HDGFL2: variants seen among roughly 807,000 people sequenced by gnomAD.
HDGFL2 encodes HDGF like 2.
HDGFL2 carries 36 observed loss-of-function variants against 77.1 expected under a neutral mutation model. That is an observed-to-expected ratio of 0.47 (90% CI 0.36 to 0.62). HDGFL2 has a LOEUF of 0.62. Ranked by LOEUF, HDGFL2 falls within the 20% of genes least tolerant of loss-of-function variation. HDGFL2 has a pLI of 0.00. For missense variants in HDGFL2, 976 were observed against 973.4 expected (o/e 1.00, Z -0.04); for synonymous variants, 463 against 413.1 (o/e 1.12, Z -1.46).
At chr19:4,501,360 C>T (rs370630714) in intron 15 of HDGFL2, 43 bp downstream of exon 15, 38 of 1,544,220 alleles carry the variant, frequency 2.5e-5, no homozygotes, top group Admixed American at 9.1e-5. Context: ...TGAGCGGCAG[C>T]GGTGTGACGC....
chr19:4,501,518 C>T, intron 15 of HDGFL2: 1 of 577,382 alleles, frequency 1.7e-6, no homozygotes, highest in Non-Finnish European at 2.8e-6. Flanking sequence ...AGAGGCAGCT[C>T]CAGGGCTTTG....
intron 1 of HDGFL2, among the ~76,000 whole-genome samples, chr19:4,473,805 C>T (rs7260358): frequency 0.066 from 9,985 of 151,794 alleles, 1,102 homozygotes; most frequent in African/African-American, 0.23. Flanking sequence ...GATTGGTCCC[C>T]TGTGGGGAGG....
chr19:4,499,402 G>A, intron 13 of HDGFL2, 89 bp from the exon 14 acceptor site: 1 of 1,181,962 alleles, frequency 8.5e-7, no homozygotes, highest in African/African-American at 1.5e-5. Flanking sequence ...AGGGGCTGCG[G>A]GAGGGGCGCA....
At chr19:4,473,024 G>C (rs1974985064) in intron 1 of HDGFL2, among the ~76,000 whole-genome samples, 1 of 151,454 alleles carries the variant, frequency 6.6e-6, no homozygotes, top group African/African-American at 2.4e-5. Flanking sequence ...GGAGTCTGGG[G>C]GTATCCTGGG....
In HDGFL2 at chr19:4,501,986, G is replaced by GGAGGCCCTGGACGAGGAGAGCTGAGCC; in HGVS notation, c.1994_*4dup. On this transcript the variant is annotated stop_gained and inframe_insertion, in exon 16 of 16. Coordinates refer to ENST00000616600, the MANE Select transcript of HDGFL2 (RefSeq NM_001001520.3). LOFTEE classifies it high-confidence loss of function. ...AGCGCGAGAGGGCACGGGGGGACTC[G>GGAGGCCCTGGACGAGGAGAGCTGAGCC]GAGGCCCTGGACGAGGAGAGCTGAG... 1 of 1,514,020 alleles carries GGAGGCCCTGGACGAGGAGAGCTGAGCC rather than the reference G, an allele frequency of 6.6e-7. No individual in the cohort carries two copies. The highest frequency in any genetic ancestry group is 1.3e-5 in the South Asian group (1 of 79,582). The allele number at this position is 1,514,020 out of a possible 1,614,324, so 93.8% of individuals were successfully genotyped here.
At chr19:4,472,547 TG>T in intron 1 of HDGFL2, 125 bp downstream of exon 1, 1 of 164,684 alleles carries the variant, frequency 6.1e-6, no homozygotes, top group Non-Finnish European at 9.6e-6. Context: ...CCCGGGGGTC[TG>T]GGGTTCATGG....
intron 3 of HDGFL2, among the ~76,000 whole-genome samples, chr19:4,477,875 T>G (rs1224286788): frequency 6.0e-5 from 9 of 151,198 alleles, no homozygotes; most frequent in Admixed American, 5.9e-4. Context: ...AAGTCAGGAG[T>G]TCAAGACCAG....
In HDGFL2 at chr19:4,488,658, C is replaced by CT; in HGVS notation, c.289-17dup. On this transcript the variant is annotated splice_polypyrimidine_tract_variant and intron_variant, in intron 3 of 15. Coordinates refer to ENST00000616600, the MANE Select transcript of HDGFL2 (RefSeq NM_001001520.3). ...CACGACTGGTGGTGACGCGCGTTCT[C>CT]TGCCCCGACTCCCACAGCCAGTGAG... 6.5e-7 allele frequency: 1 copy of CT among 1,536,630 alleles called. No individual in the cohort carries two copies. The highest frequency in any genetic ancestry group is 8.7e-7 in the Non-Finnish European group (1 of 1,145,642).
At chr19:4,496,878 T>A (rs1331736268) in intron 10 of HDGFL2, 2 of 406,404 alleles carry the variant, frequency 4.9e-6, no homozygotes, top group South Asian at 3.7e-5. Context: ...ACTTTTTTTT[T>A]TTTTTTTGAG....
At chr19:4,486,360 A>G (rs1216887203) in intron 3 of HDGFL2, 2 of 151,966 alleles carry the variant, frequency 1.3e-5, no homozygotes, top group Non-Finnish European at 2.9e-5. Flanking sequence ...CAGGTGTGTC[A>G]TGATGTTTGT....
chr19:4,485,895 A>G (rs920698083), intron 3 of HDGFL2, among the ~76,000 whole-genome samples: 1 of 146,666 alleles, frequency 6.8e-6, no homozygotes, highest in Admixed American at 6.8e-5. Flanking sequence ...AAAAAAAAAT[A>G]CAAAAACGTT....
In HDGFL2 at chr19:4,494,407, C is replaced by T. The variant is rs1200423780; in HGVS notation, c.1156C>T (p.Arg386Cys). 11 of 1,401,694 alleles carry T rather than the reference C, an allele frequency of 7.8e-6. No homozygotes were observed. The highest frequency in any genetic ancestry group is 4.9e-5 in the South Asian group (3 of 61,642). 86.8% of individuals were successfully genotyped at this position (1,401,694 alleles called of 1,614,324 possible). A position where few individuals can be genotyped will look rare whatever the true frequency, so the allele number is the denominator to read the frequency against. ...CGATGAGCCCGTCAAGAAGCGGGGA[C>T]GCAAGGGCCGGGGCCGGGGTCCCCC... ...EDDEPVKKRG[R>C]KGRGRGPPSS... Residue 386 changes from arginine (R) to cysteine (C), a missense_variant, in exon 9 of 16, where the codon CGC becomes TGC. By Grantham distance (180) the Arg-to-Cys change is radical. This residue lies in a region of HDGFL2 where 567 missense variants were observed against 534.7 expected (regional missense o/e 1.06). Transcript: ENST00000616600.
chr19:4,480,072 T>C (rs1455048603), intron 3 of HDGFL2, among the ~76,000 whole-genome samples: 1 of 152,092 alleles, frequency 6.6e-6, no homozygotes, highest in East Asian at 1.9e-4. Flanking sequence ...GTCCTGGGCA[T>C]TGCAGGGTGT....
intron 9 of HDGFL2, among the ~76,000 whole-genome samples, chr19:4,496,020 T>A (rs1391602432): frequency 2.0e-5 from 3 of 152,070 alleles, no homozygotes; most frequent in Non-Finnish European, 4.4e-5. Flanking sequence ...GGCACCGAAC[T>A]CCTGGTGCAG....
rs769660659 is a variant in HDGFL2 at position 4,493,117 on chromosome 19, CTGTG to C, written c.679-581_679-578del. Among the ~76,000 whole-genome samples, 43 of 76,578 alleles carry C rather than the reference CTGTG, an allele frequency of 5.6e-4. No individual in the cohort carries two copies. In the Middle Eastern group the frequency reaches 0.05, roughly 89 times the overall value. 50.2% of individuals were successfully genotyped at this position (76,578 alleles called of 152,430 possible). A position where few individuals can be genotyped will look rare whatever the true frequency, so the allele number is the denominator to read the frequency against. ...GTGTGGTGTGTGGTGTGTGTGTTGT[CTGTG>C]TGTGGTGTGTGTGTTATCTGTGTCT... On this transcript the variant is annotated intron_variant, in intron 6 of 15. Coordinates refer to ENST00000616600, the MANE Select transcript of HDGFL2 (RefSeq NM_001001520.3).
At chr19:4,499,319 C>T (rs1358466117) in intron 13 of HDGFL2, among the ~76,000 whole-genome samples, 172 bp from the exon 14 acceptor site, 1 of 150,172 alleles carries the variant, frequency 6.7e-6, no homozygotes, top group Non-Finnish European at 1.5e-5. Context: ...GCACTCTAGC[C>T]TGGGTGACAG....
rs1975701421 is a variant in HDGFL2, at chr19:4,496,349, C to T, written c.1272C>T (p.Ala424=). ...CGCAGTCCTCAAGCACAGAGCCCGC[C>T]AGGAAACCTGGCCAGAAGGAGAAGA... ...KKPQSSSTEP[A]RKPGQKEKRV... The change falls in exon 10 of 16, where the codon GCC becomes GCT. Residue 424 remains alanine (A), a synonymous_variant. Transcript: ENST00000616600. 6.2e-7 allele frequency: 1 copy of T among 1,614,122 alleles called. No homozygotes were observed. The highest frequency in any genetic ancestry group is 1.7e-5 in the Admixed American group (1 of 60,018).
At chr19:4,488,951 CCT>C in intron 4 of HDGFL2, 75 bp downstream of exon 4, 4 of 1,023,450 alleles carry the variant, frequency 3.9e-6, no homozygotes, top group African/African-American at 2.0e-5. Context: ...GCTCTCCTGC[CCT>C]TTTTTTTTTT....
Position 4,501,324 on chromosome 19 carries a change from G to A in HDGFL2, c.1916+7G>A. 1.3e-6 allele frequency: 2 copies of A among 1,583,912 alleles called. No homozygotes were observed. The highest frequency in any genetic ancestry group is 1.7e-6 in the Non-Finnish European group (2 of 1,162,694). Reference sequence around the variant, plus strand: ...CCTCTGAAGACCTGCACGAGTGAGTGTCCCGGGCCGTGGGGTTTGGACTCC... The same window carrying A: ...CCTCTGAAGACCTGCACGAGTGAGTATCCCGGGCCGTGGGGTTTGGACTCC... On this transcript the variant is annotated splice_region_variant and intron_variant, in intron 15 of 15. Coordinates refer to ENST00000616600, the MANE Select transcript of HDGFL2 (RefSeq NM_001001520.3).
Sources: gnomAD v4.1 joint callset for allele counts (sites outside exome capture counted in the v4.1 genomes callset) on GRCh38, gnomAD v4.1.1 for gene constraint, gnomAD v4.1.1 regional missense constraint, MANE v1.5 for transcripts, NCBI Gene and HGNC (gene_info 2026-07-23, HGNC 2026-07-21) for gene names.